Variants in BTRC observed in about 807,000 individuals in gnomAD.
BTRC encodes F-box/WD repeat-containing protein 1A.
Under a neutral mutation model 85.5 loss-of-function variants are expected in BTRC, and 42 were observed. That is an observed-to-expected ratio of 0.49 (90% CI 0.38 to 0.64). The LOEUF (loss-of-function observed/expected upper bound fraction) is 0.64. Ranked by LOEUF, BTRC falls within the 30% of genes least tolerant of loss-of-function variation. The pLI, the probability that BTRC is intolerant of heterozygous loss-of-function variation, is 0.00. For missense variants in BTRC, 594 were observed against 743.5 expected (o/e 0.80, Z 2.34); for synonymous variants, 255 against 263.3 (o/e 0.97, Z 0.30).
intron 1 of BTRC, among the ~76,000 whole-genome samples, chr10:101,405,646 T>C (rs1943602084): frequency 6.6e-6 from 1 of 152,224 alleles, no homozygotes; most frequent in South Asian, 2.1e-4. Flanking sequence ...CTGCTAGTAT[T>C]TAATTTTTTG....
chr10:101,542,193 A>T (rs2062478889), intron 13 of BTRC, among the ~76,000 whole-genome samples: 1 of 152,138 alleles, frequency 6.6e-6, no homozygotes, highest in Non-Finnish European at 1.5e-5. Flanking sequence ...TATGAAATTT[A>T]TTGAAATAAA....
intron 13 of BTRC, among the ~76,000 whole-genome samples, chr10:101,547,133 AGGATAGTT>A (rs1251192943): frequency 6.6e-6 from 1 of 152,138 alleles, no homozygotes; most frequent in African/African-American, 2.4e-5. Flanking sequence ...TTTTCAGCTT[AGGATAGTT>A]TCATTTACAA....
intron 1 of BTRC, among the ~76,000 whole-genome samples, chr10:101,403,400 T>C (rs753276999): frequency 5.3e-5 from 8 of 152,228 alleles, no homozygotes; most frequent in Non-Finnish European, 8.8e-5. Flanking sequence ...AAATCCTACT[T>C]AGTCATGGTG....
Position 101,467,352 on chromosome 10 carries a change from A to G in BTRC, c.234+5294A>G, listed in dbSNP as rs1056362688. On this transcript the variant is annotated intron_variant, in intron 3 of 14. Coordinates refer to ENST00000370187, the MANE Select transcript of BTRC (RefSeq NM_033637.4). ...GGGTTTTTTTTTTTTTTTTCTCTCT[A>G]TTTGTTTTAGGTTAGTCACTTTAAT... is the stretch of plus-strand genomic sequence containing the variant. Among the ~76,000 whole-genome samples, 4 of 101,682 alleles carry G rather than the reference A, an allele frequency of 3.9e-5. No homozygotes were observed. In the Admixed American group the frequency reaches 4.1e-4, roughly 10 times the overall value. 66.7% of individuals were successfully genotyped at this position (101,682 alleles called of 152,430 possible).
At chr10:101,367,794 T>A (rs1211957666) in intron 1 of BTRC, among the ~76,000 whole-genome samples, 1 of 152,224 alleles carries the variant, frequency 6.6e-6, no homozygotes, top group Admixed American at 6.5e-5. Flanking sequence ...GTGTTTATTC[T>A]TGTTAATGTA....
At chr10:101,508,738 C>G (rs1369301195) in intron 4 of BTRC, among the ~76,000 whole-genome samples, 18 of 151,914 alleles carry the variant, frequency 1.2e-4, no homozygotes, top group Admixed American at 1.2e-3. Context: ...CACGGTGATA[C>G]CCCGTCTCTA....
intron 1 of BTRC, among the ~76,000 whole-genome samples, chr10:101,392,092 G>A (rs937998522): frequency 6.6e-6 from 1 of 151,908 alleles, no homozygotes; most frequent in Non-Finnish European, 1.5e-5. Context: ...TGTTTCTCTT[G>A]CCTAAGCCTC....
At chr10:101,398,203 G>A (rs564663147) in intron 1 of BTRC, among the ~76,000 whole-genome samples, 4 of 152,216 alleles carry the variant, frequency 2.6e-5, no homozygotes, top group Admixed American at 2.0e-4. Flanking sequence ...TTACAAATAA[G>A]GTGGAAGAAG....
At chr10:101,416,608 C>G (rs775208631) in intron 1 of BTRC, among the ~76,000 whole-genome samples, 1 of 152,010 alleles carries the variant, frequency 6.6e-6, no homozygotes, top group Non-Finnish European at 1.5e-5. Context: ...TATATGCACC[C>G]TATACTCCAG....
chr10:101,459,010 G>A (rs1323390251), intron 2 of BTRC, among the ~76,000 whole-genome samples: 2 of 152,158 alleles, frequency 1.3e-5, no homozygotes, highest in East Asian at 1.9e-4. Context: ...GTGATGCCCA[G>A]ACTGCTCTCA....
At chr10:101,424,068 T>C (rs1283101545) in intron 1 of BTRC, among the ~76,000 whole-genome samples, 1 of 152,112 alleles carries the variant, frequency 6.6e-6, no homozygotes, top group African/African-American at 2.4e-5. Context: ...TGCCTGTCTC[T>C]ACCAAAAATA....
intron 13 of BTRC, among the ~76,000 whole-genome samples, chr10:101,542,604 C>T (rs2062485038): frequency 6.6e-6 from 1 of 152,220 alleles, no homozygotes; most frequent in Non-Finnish European, 1.5e-5. Flanking sequence ...CAGGGTATCA[C>T]TATGCCGCCC....
At chr10:101,435,440 A>G (rs1944503072) in intron 2 of BTRC, among the ~76,000 whole-genome samples, 1 of 152,178 alleles carries the variant, frequency 6.6e-6, no homozygotes, top group Non-Finnish European at 1.5e-5. Context: ...CTTCATATAA[A>G]TGCCATCATA....
chr10:101,415,566 A>T (rs1335747126), intron 1 of BTRC, among the ~76,000 whole-genome samples: 1 of 140,048 alleles, frequency 7.1e-6, no homozygotes, highest in Non-Finnish European at 1.5e-5. Flanking sequence ...TTTGAGACAG[A>T]GTTTCACTCT....
At position 101,522,371 on chromosome 10, in the gene BTRC, A is replaced by AAC. The variant is rs1564823683; in HGVS notation, c.556+502_556+503insCA. 4.9e-3 allele frequency among the ~76,000 whole-genome samples: 341 copies of AAC among 69,996 alleles called. 7 individuals carry two copies. Among genetic ancestry groups the AAC allele is most frequent in the African/African-American group, 0.016 (324 of 19,638 alleles). The allele number at this position is 69,996 out of a possible 152,430, so 45.9% of individuals were successfully genotyped here. On this transcript the variant is annotated intron_variant, in intron 5 of 14. Transcript: ENST00000370187. ...AAGCTTTAAAAAAAAAAAAAACAAAAAAAAACAAAAAAAAAAAAACTCTAG... is the reference window on the plus strand; with the variant it reads ...AAGCTTTAAAAAAAAAAAAAACAAAAACAAAAACAAAAAAAAAAAAACTCTAG...
chr10:101,400,657 G>A (rs1417976149), intron 1 of BTRC, among the ~76,000 whole-genome samples: 1 of 152,188 alleles, frequency 6.6e-6, no homozygotes, highest in African/African-American at 2.4e-5. Flanking sequence ...CAAGAGCTCT[G>A]ATCTTTCCTA....
At chr10:101,365,601 G>A (rs980359663) in intron 1 of BTRC, among the ~76,000 whole-genome samples, 1 of 151,722 alleles carries the variant, frequency 6.6e-6, no homozygotes, top group African/African-American at 2.4e-5. Flanking sequence ...TCAGCTTCCT[G>A]AGTAGCTGGG....
At chr10:101,430,082 A>C (rs1250980688) in intron 1 of BTRC, among the ~76,000 whole-genome samples, 1 of 152,204 alleles carries the variant, frequency 6.6e-6, no homozygotes, top group Non-Finnish European at 1.5e-5. Context: ...ACATAGAAGA[A>C]TAGGGACAAA....
At chr10:101,499,966 C>G (rs1258877922) in intron 4 of BTRC, among the ~76,000 whole-genome samples, 1 of 151,646 alleles carries the variant, frequency 6.6e-6, no homozygotes, top group Non-Finnish European at 1.5e-5. Flanking sequence ...AGGCTATGGA[C>G]TATAATGCTG....
Sources: gnomAD v4.1 joint callset for allele counts (sites outside exome capture counted in the v4.1 genomes callset) on GRCh38, gnomAD v4.1.1 for gene constraint, MANE v1.5 for transcripts, NCBI Gene and HGNC (gene_info 2026-07-23, HGNC 2026-07-21) for gene names.